Variants in ERBB2 observed in about 807,000 individuals in gnomAD.
The protein encoded by ERBB2 is erb-b2 receptor tyrosine kinase 2.
A neutral mutation model predicts 149.0 loss-of-function variants in ERBB2; 61 were observed. That is an observed-to-expected ratio of 0.41 (90% confidence interval 0.33 to 0.51). The LOEUF (loss-of-function observed/expected upper bound fraction) is 0.51. ERBB2 is among the 20% of genes least tolerant of loss of function. ERBB2 has a pLI of 0.25. For synonymous variants in ERBB2, 633 were observed against 678.8 expected, an observed-to-expected ratio of 0.93 and a Z score of 1.05; for missense variants, 1,205 against 1,655.1, an observed-to-expected ratio of 0.73 and a Z score of 4.72.
rs4252604 is a variant in ERBB2, at chr17:39,705,848, C to G, written c.74-1142C>G. On this transcript the variant is annotated intron_variant, in intron 1 of 26. Coordinates refer to ENST00000269571, the MANE Select transcript of ERBB2 (RefSeq NM_004448.4). ...GAATCTGCATGTAGCCTGTGGGAGG[C>G]GGAGCAGTGACCGGCAGGAATTCTG... Among the ~76,000 whole-genome samples the G allele has an allele frequency of 2.8e-3, 421 of 152,290 alleles. 9 individuals carry two copies. The highest frequency in any genetic ancestry group is 0.026 in the Admixed American group (395 of 15,302).
rs2145825639 is a variant in ERBB2, at chr17:39,723,931, G to C, written c.2228G>C (p.Gly743Ala). 2.5e-6 allele frequency: 4 copies of C among 1,613,896 alleles called. No individual in the cohort carries two copies. The highest frequency in any genetic ancestry group is 2.5e-6 in the Non-Finnish European group (3 of 1,179,856). The stretch of plus-strand genomic sequence containing the variant: ...GCCCAGGGCATCTGGATCCCTGATG[G>C]GGAGAATGTGAAAATTCCAGTGGCC... Reference protein sequence around the residue: ...TVYKGIWIPDGENVKIPVAIK... With the variant: ...TVYKGIWIPDAENVKIPVAIK... The change falls in exon 19 of 27, where the codon GGG becomes GCG. Residue 743 changes from glycine to alanine, a missense_variant. Coordinates refer to ENST00000269571, the MANE Select transcript of ERBB2 (RefSeq NM_004448.4). This position sits in a 1 kb window ranked among gnomAD's most constrained non-coding sequence, Gnocchi z 6.2.
intron 19 of ERBB2, 118 bp downstream of exon 19, chr17:39,724,128 A>G (rs1260986470): frequency 2.9e-6 from 2 of 681,982 alleles, no homozygotes; most frequent in East Asian, 2.8e-5. Context: ...AACCTAGACT[A>G]TTTTTTTGGA....
chr17:39,726,997 T>C lies in ERBB2; in HGVS notation c.3153T>C (p.Ser1051=). The stretch of plus-strand genomic sequence containing the variant: ...TCCACCACAGGCACCGCAGCTCATC[T>C]ACCAGGGTCAGTGCCCTCGGTCACA... ...GMVHHRHRSS[S]TRSGGGDLTL... Residue 1051 remains serine (S), a synonymous_variant, in exon 25 of 27, where the codon TCT becomes TCC. Transcript: ENST00000269571. This position sits in a 1 kb window ranked among gnomAD's most constrained non-coding sequence, Gnocchi z 5.1. The C allele has an allele frequency of 6.3e-7, 1 of 1,596,624 alleles. No individual in the cohort carries two copies. Among genetic ancestry groups the C allele is most frequent in the Non-Finnish European group, 8.5e-7 (1 of 1,172,496 alleles).
intron 14 of ERBB2, chr17:39,716,830 G>C: frequency 3.5e-6 from 2 of 572,888 alleles, no homozygotes; most frequent in Non-Finnish European, 3.1e-6. Flanking sequence ...TGTGTTGGTG[G>C]CTGTGACTGT....
In ERBB2 at chr17:39,727,663, T is replaced by C; in HGVS notation, c.3413-26T>C. 6.5e-7 allele frequency: 1 copy of C among 1,544,558 alleles called. No homozygotes were observed. Among genetic ancestry groups the C allele is most frequent in the Non-Finnish European group, 8.7e-7 (1 of 1,147,008 alleles). On this transcript the variant is annotated intron_variant, in intron 26 of 26. Coordinates refer to ENST00000269571, the MANE Select transcript of ERBB2 (RefSeq NM_004448.4). This position sits in a 1 kb window ranked among gnomAD's most constrained non-coding sequence, Gnocchi z 4.3. Reference sequence around the variant, plus strand: ...GAGACACCGGGGTTCCTTCCCCTAATGGGTCACCTTCTCTTGACCTTTCAG... The same window carrying C: ...GAGACACCGGGGTTCCTTCCCCTAACGGGTCACCTTCTCTTGACCTTTCAG...
chr17:39,726,496 T>TG lies in ERBB2; in HGVS notation c.2873-63dup, dbSNP rs1419589985. On this transcript the variant is annotated intron_variant, in intron 23 of 26. Coordinates refer to ENST00000269571, the MANE Select transcript of ERBB2 (RefSeq NM_004448.4). The surrounding 1 kb of genome is among the most constrained non-coding windows in gnomAD (Gnocchi z 5.1). ...TGTCTAGACCAGACTGGAGGGGGAG[T>TG]GGGAGGGGAGAGGCAGCAAGCACAC... is the stretch of plus-strand genomic sequence containing the variant. The TG allele has an allele frequency of 7.5e-7, 1 of 1,340,726 alleles. No individual in the cohort carries two copies. The highest frequency in any genetic ancestry group is 1.1e-6 in the Non-Finnish European group (1 of 936,882). 83.1% of individuals were successfully genotyped at this position (1,340,726 alleles called of 1,614,324 possible).
At chr17:39,699,660 A>T, upstream of ERBB2, 8 of 951,640 alleles carry the variant, frequency 8.4e-6, no homozygotes, top group Non-Finnish European at 1.3e-5. Context: ...ATTATTTGAT[A>T]TTAAAACAAA....
chr17:39,695,690 C>T (rs970282830), upstream of ERBB2, among the ~76,000 whole-genome samples: 22 of 136,466 alleles, frequency 1.6e-4, no homozygotes, highest in Admixed American at 1.0e-3. Flanking sequence ...AGGGAGGAGA[C>T]TTTGGTGCAT....
chr17:39,724,467 C>T (rs1444228749), intron 19 of ERBB2, among the ~76,000 whole-genome samples: 4 of 151,782 alleles, frequency 2.6e-5, no homozygotes, highest in Non-Finnish European at 1.5e-5. Flanking sequence ...ACCATGTTGG[C>T]CAGGTTGGTG....
rs992891740 is a variant in ERBB2, at chr17:39,728,644, A to G, written c.*600A>G. ...ACACCCACTTTGTCCATTTGCAAAT[A>G]TATTTTGGAAAACAGCTAGGCACCG... On this transcript the variant is annotated 3_prime_UTR_variant, in exon 27 of 27. Transcript: ENST00000269571. The G allele has an allele frequency of 8.6e-6, 2 of 232,906 alleles. No individual in the cohort carries two copies. The highest frequency in any genetic ancestry group is 1.7e-5 in the Non-Finnish European group (2 of 117,870). The allele number at this position is 232,906 out of a possible 1,614,324, so 14.4% of individuals were successfully genotyped here.
At position 39,723,417 on chromosome 17, in the gene ERBB2, T is replaced by A. The variant is rs2145805903; in HGVS notation, c.2045T>A (p.Ile682Asn). The A allele has an allele frequency of 6.2e-7, 1 of 1,614,102 alleles. No individual in the cohort carries two copies. Among genetic ancestry groups the A allele is most frequent in the Admixed American group, 1.7e-5 (1 of 60,006 alleles). The stretch of plus-strand genomic sequence containing the variant: ...CTCATCAAGCGACGGCAGCAGAAGA[T>A]CCGGAAGTACACGATGCGGAGACTG... ...GILIKRRQQK[I>N]RKYTMRRLLQ... The change falls in exon 17 of 27, where the codon ATC becomes AAC. Residue 682 changes from isoleucine (I) to asparagine (N), a missense_variant. By Grantham distance (149) the Ile-to-Asn change is moderately radical (BLOSUM62 -3). Transcript: ENST00000269571. This position sits in a 1 kb window ranked among gnomAD's most constrained non-coding sequence, Gnocchi z 6.2.
rs1334239483 is a variant in ERBB2, at chr17:39,728,035, G to C, written c.3759G>C (p.Val1253=). Residue 1253 remains valine (V), a synonymous_variant, in exon 27 of 27, where the codon GTG becomes GTC. Transcript: ENST00000269571. ...ACCCAGAGTACCTGGGTCTGGACGT[G>C]CCAGTGTGAACCAGAAGGCCAAGTC... ...AENPEYLGLD[V]PV is the part of the protein sequence containing the mutation. The C allele has an allele frequency of 6.3e-7, 1 of 1,586,462 alleles. No individual in the cohort carries two copies. The highest frequency in any genetic ancestry group is 1.3e-5 in the African/African-American group (1 of 74,456).
rs545969208 is a variant in ERBB2, at chr17:39,726,952, C to T, written c.3108C>T (p.Ala1036=). 1.6e-4 allele frequency: 252 copies of T among 1,612,564 alleles called. 4 individuals are homozygous for T. In the South Asian group the frequency reaches 2.7e-3, roughly 17 times the overall value. The change falls in exon 25 of 27, where the codon GCC becomes GCT. Residue 1036 remains alanine, a synonymous_variant. Transcript: ENST00000269571. The surrounding 1 kb of genome is among the most constrained non-coding windows in gnomAD (Gnocchi z 5.1). ...PQQGFFCPDP[A]PGAGGMVHHR... is the part of the protein sequence containing the mutation. ...AGGGCTTCTTCTGTCCAGACCCTGC[C>T]CCGGGCGCTGGGGGCATGGTCCACC...
chr17:39,723,401 C>G lies in ERBB2; in HGVS notation c.2029C>G (p.Arg677Gly), dbSNP rs1464672638. 1 of 1,614,124 alleles carries G rather than the reference C, an allele frequency of 6.2e-7. No homozygotes were observed. Among genetic ancestry groups the G allele is most frequent in the Non-Finnish European group, 8.5e-7 (1 of 1,180,026 alleles). Residue 677 changes from arginine (R) to glycine (G), a missense_variant, in exon 17 of 27, where the codon CGA becomes GGA. Around this residue, in one of 6 missense-constraint regions of ERBB2, gnomAD observed 569 missense variants for 803.5 expected, o/e 0.71. Coordinates refer to ENST00000269571, the MANE Select transcript of ERBB2 (RefSeq NM_004448.4). This position sits in a 1 kb window ranked among gnomAD's most constrained non-coding sequence, Gnocchi z 6.2. ...LGVVFGILIK[R>G]RQQKIRKYTM... Reference sequence around the variant, plus strand: ...GGTGGTCTTTGGGATCCTCATCAAGCGACGGCAGCAGAAGATCCGGAAGTA... The same window carrying G: ...GGTGGTCTTTGGGATCCTCATCAAGGGACGGCAGCAGAAGATCCGGAAGTA...
upstream of ERBB2, among the ~76,000 whole-genome samples, chr17:39,697,441 C>G (rs529477896): frequency 5.3e-5 from 8 of 151,396 alleles, no homozygotes; most frequent in African/African-American, 1.9e-4. Context: ...CCGCAACCTC[C>G]GCTTCCCAGG....
rs1323314038 is a variant in ERBB2 at position 39,727,056 on chromosome 17, G to T, written c.3159+53G>T. The T allele has an allele frequency of 6.9e-7, 1 of 1,451,684 alleles. No individual in the cohort carries two copies. Among genetic ancestry groups the T allele is most frequent in the Non-Finnish European group, 9.3e-7 (1 of 1,076,404 alleles). 89.9% of individuals were successfully genotyped at this position (1,451,684 alleles called of 1,614,324 possible). A position where few individuals can be genotyped will look rare whatever the true frequency, so the allele number is the denominator to read the frequency against. On this transcript the variant is annotated intron_variant, in intron 25 of 26. Coordinates refer to ENST00000269571, the MANE Select transcript of ERBB2 (RefSeq NM_004448.4). The surrounding 1 kb of genome is among the most constrained non-coding windows in gnomAD (Gnocchi z 4.3). ...CTGTCTGCTTACCTCCCCCAACCCC[G>T]GTGGACTAGGGTCCCTTTCTCTGAT...
At chr17:39,697,354 G>GTTTTTTTTTTTTTTTTT (rs60262818), upstream of ERBB2, among the ~76,000 whole-genome samples, 1 of 122,112 alleles carries the variant, frequency 8.2e-6, no homozygotes, top group African/African-American at 3.0e-5. Context: ...TTTTTGTTTT[G>GTTTTTTTTTTTTTTTTT]TTTTTTTTTT....
intron 4 of ERBB2, 134 bp from the exon 5 acceptor site, chr17:39,709,679 G>A: frequency 2.0e-6 from 2 of 981,802 alleles, no homozygotes; most frequent in East Asian, 2.5e-5. Context: ...GGGCCTCTCA[G>A]CCTGTCTGGG....
Position 39,700,071 on chromosome 17 carries a change from A to T in ERBB2, c.-168A>T. 1 of 1,272,042 alleles carries T rather than the reference A, an allele frequency of 7.9e-7. No individual in the cohort carries two copies. Among genetic ancestry groups the T allele is most frequent in the Non-Finnish European group, 9.9e-7 (1 of 1,012,712 alleles). The allele number at this position is 1,272,042 out of a possible 1,614,324, so 78.8% of individuals were successfully genotyped here. On this transcript the variant is annotated 5_prime_UTR_variant, in exon 1 of 27. Coordinates refer to ENST00000269571, the MANE Select transcript of ERBB2 (RefSeq NM_004448.4). ...AGTTGTGAAGCTGAGATTCCCCTCC[A>T]TTGGGACCGGAGAAACCAGGGGAGC... is the stretch of plus-strand genomic sequence containing the variant.
Sources: allele counts gnomAD v4.1 joint callset (sites outside exome capture counted in the v4.1 genomes callset), GRCh38; gene constraint gnomAD v4.1.1; regional missense constraint gnomAD v4.1.1; non-coding constraint Gnocchi (gnomAD v3.1); transcripts MANE v1.5; gene names NCBI Gene and HGNC (gene_info 2026-07-23, HGNC 2026-07-21).